Variants in PBX1 observed in about 807,000 individuals in gnomAD.
PBX1 encodes the protein PBX homeobox 1.
Under a neutral mutation model 53.4 loss-of-function variants are expected in PBX1, and 6 were observed. That is an observed-to-expected ratio of 0.11 (90% CI 0.06 to 0.22). PBX1 has a LOEUF of 0.22. Among genes scored for constraint, PBX1 ranks in the 10% least tolerant of loss-of-function variants. The probability of loss-of-function intolerance (pLI) is 1.00; values close to 1 mark genes in which losing one functional copy is unlikely to be tolerated. For synonymous variants in PBX1, 204 were observed against 212.3 expected (o/e 0.96, Z 0.34); for missense variants, 251 against 551.4 (o/e 0.46, Z 5.46).
intron 2 of PBX1, among the ~76,000 whole-genome samples, chr1:164,790,665 G>T (rs1668454420): frequency 6.6e-6 from 1 of 152,062 alleles, no homozygotes; most frequent in South Asian, 2.1e-4. Flanking sequence ...TCCATTTGAT[G>T]GTCTCGTGTT....
At chr1:164,681,763 C>T (rs965994407) in intron 2 of PBX1, among the ~76,000 whole-genome samples, 10 of 152,162 alleles carry the variant, frequency 6.6e-5, no homozygotes, top group Non-Finnish European at 1.2e-4. Flanking sequence ...AATTCATACA[C>T]CCATCCCCCA....
chr1:164,872,717 C>G (rs1463440322), intron 2 of PBX1, among the ~76,000 whole-genome samples: 3 of 152,330 alleles, frequency 2.0e-5, no homozygotes, highest in South Asian at 4.1e-4. Flanking sequence ...ATATAATGCT[C>G]CCAAGGCTTT....
chr1:164,588,671 G>A (rs979027038), intron 2 of PBX1, among the ~76,000 whole-genome samples: 1 of 151,476 alleles, frequency 6.6e-6, no homozygotes, highest in African/African-American at 2.4e-5. Context: ...AATTCCCTTT[G>A]GTTTAGGGGG....
chr1:164,716,685 TACACAC>T lies in PBX1; in HGVS notation c.266-75769_266-75764del, dbSNP rs375539653. ...TGGGCAACATGGGAAATGTCATCTC[TACACAC>T]ACACACACACACACACACACACACA... On this transcript the variant is annotated intron_variant, in intron 2 of 8. Transcript: ENST00000420696. Among the ~76,000 whole-genome samples, 1,082 of 115,822 alleles carry T rather than the reference TACACAC, an allele frequency of 9.3e-3. 10 individuals carry two copies. Among genetic ancestry groups the T allele is most frequent in the Non-Finnish European group, 0.012 (709 of 57,298 alleles). The allele number at this position is 115,822 out of a possible 152,430, so 76.0% of individuals were successfully genotyped here. A position where few individuals can be genotyped will look rare whatever the true frequency, so the allele number is the denominator to read the frequency against.
At chr1:164,690,277 A>G (rs1428245814) in intron 2 of PBX1, among the ~76,000 whole-genome samples, 1 of 152,112 alleles carries the variant, frequency 6.6e-6, no homozygotes. Context: ...CGGATCAGAC[A>G]GACAGACTGC....
intron 2 of PBX1, among the ~76,000 whole-genome samples, chr1:164,578,695 G>A (rs915599242): frequency 6.6e-6 from 1 of 152,216 alleles, no homozygotes; most frequent in Non-Finnish European, 1.5e-5. Flanking sequence ...AGAGCCAGGA[G>A]TGTGGCTGTA....
rs1202234742 is a variant in PBX1, at chr1:164,786,718, TGTGC to T, written c.266-5774_266-5771del. Among the ~76,000 whole-genome samples, 28 of 100,072 alleles carry T rather than the reference TGTGC, an allele frequency of 2.8e-4. 1 individual carries two copies. The highest frequency in any genetic ancestry group is 6.4e-4 in the African/African-American group (15 of 23,302). 65.7% of individuals were successfully genotyped at this position (100,072 alleles called of 152,430 possible). On this transcript the variant is annotated intron_variant, in intron 2 of 8. Transcript: ENST00000420696. Reference sequence around the variant, plus strand: ...GTGTGTGTGTGTGTGTGTGTGTGTGTGTGCGCGCGCACACACACACACGCACAGA... The same window carrying T: ...GTGTGTGTGTGTGTGTGTGTGTGTGTGCGCGCACACACACACACGCACAGA...
intron 2 of PBX1, among the ~76,000 whole-genome samples, chr1:164,581,313 C>T (rs1278203143): frequency 1.3e-5 from 2 of 151,442 alleles, no homozygotes; most frequent in African/African-American, 2.4e-5. Flanking sequence ...CTGCAACCTC[C>T]GCCTCTCGGG....
intron 6 of PBX1, chr1:164,817,615 T>C (rs1558025696): frequency 6.6e-6 from 1 of 152,272 alleles, no homozygotes; most frequent in Non-Finnish European, 1.5e-5. Flanking sequence ...AGTACATTTA[T>C]ATATGCATAT....
chr1:164,781,692 G>A (rs1332199455), intron 2 of PBX1, among the ~76,000 whole-genome samples: 14 of 152,080 alleles, frequency 9.2e-5, no homozygotes, highest in Non-Finnish European at 1.5e-5. Context: ...GTCTTTCCCT[G>A]TTCCCTCATC....
chr1:164,702,613 T>C (rs547534734), intron 2 of PBX1, among the ~76,000 whole-genome samples: 14 of 152,238 alleles, frequency 9.2e-5, no homozygotes, highest in African/African-American at 3.1e-4. Context: ...GACTGTGTGC[T>C]TCTACAGTGG....
intron 2 of PBX1, among the ~76,000 whole-genome samples, chr1:164,726,450 T>C (rs1488871714): frequency 3.9e-5 from 6 of 152,318 alleles, no homozygotes; most frequent in South Asian, 4.1e-4. Context: ...ATCTGTTTAC[T>C]CAATCATGTG....
At chr1:164,659,617 A>G (rs1180957827) in intron 2 of PBX1, among the ~76,000 whole-genome samples, 1 of 152,192 alleles carries the variant, frequency 6.6e-6, no homozygotes, top group Non-Finnish European at 1.5e-5. Flanking sequence ...GGACACCTCC[A>G]TTGGCTTGGG....
intron 8 of PBX1, among the ~76,000 whole-genome samples, chr1:164,834,346 C>CTTTT (rs56872086): frequency 7.3e-6 from 1 of 137,064 alleles, no homozygotes; most frequent in Non-Finnish European, 1.6e-5. Flanking sequence ...ATTTTTCTTT[C>CTTTT]TTTTTTTTTT....
In PBX1 at chr1:164,559,271, G is replaced by T. The variant is rs544145822; in HGVS notation, c.-552G>T. 35 of 190,028 alleles carry T rather than the reference G, an allele frequency of 1.8e-4. 1 individual carries two copies. The highest frequency in any genetic ancestry group is 1.8e-3 in the Admixed American group (29 of 16,216). 11.8% of individuals were successfully genotyped at this position (190,028 alleles called of 1,614,324 possible). On this transcript the variant is annotated 5_prime_UTR_variant, in exon 1 of 9. Coordinates refer to ENST00000420696, the MANE Select transcript of PBX1 (RefSeq NM_002585.4). ...CTGTGCTTTGCCTGCCGCCGCGGCT[G>T]GGGGAGATCTGGCTTTTGCAACAGC...
intron 2 of PBX1, among the ~76,000 whole-genome samples, chr1:164,711,857 G>T (rs1256284927): frequency 2.0e-5 from 3 of 152,206 alleles, no homozygotes; most frequent in African/African-American, 7.2e-5. Context: ...CTGAAATGTG[G>T]CCTTCACAGG....
chr1:164,566,261 A>G (rs1377585341), intron 2 of PBX1, among the ~76,000 whole-genome samples: 1 of 152,188 alleles, frequency 6.6e-6, no homozygotes, highest in African/African-American at 2.4e-5. Flanking sequence ...TTAAAAAACA[A>G]AACAAAACAA....
At chr1:164,696,873 CAG>C (rs1389394137) in intron 2 of PBX1, among the ~76,000 whole-genome samples, 2 of 152,142 alleles carry the variant, frequency 1.3e-5, no homozygotes, top group Non-Finnish European at 2.9e-5. Flanking sequence ...GGTAGGAGGT[CAG>C]AGTTTATTGA....
intron 7 of PBX1, 82 bp from the exon 8 acceptor site, chr1:164,821,455 G>A (rs977901420): frequency 2.2e-5 from 23 of 1,032,112 alleles, no homozygotes; most frequent in Non-Finnish European, 3.1e-5. Flanking sequence ...TGCCCAAATG[G>A]TGGCCTGCCT....
Sources: allele counts gnomAD v4.1 joint callset (sites outside exome capture counted in the v4.1 genomes callset), GRCh38; gene constraint gnomAD v4.1.1; transcripts MANE v1.5; gene names NCBI Gene and HGNC (gene_info 2026-07-23, HGNC 2026-07-21).